FYB1: variants seen among roughly 807,000 people sequenced by gnomAD.
The protein encoded by FYB1 is FYN binding protein 1.
A neutral mutation model predicts 94.1 loss-of-function variants in FYB1; 41 were observed. That is an observed-to-expected ratio of 0.44 (90% CI 0.34 to 0.57). The LOEUF is 0.57. Ranked by LOEUF, FYB1 falls within the 20% of genes least tolerant of loss-of-function variation. FYB1 has a pLI of 0.02. For missense variants in FYB1, 1,050 were observed against 976.8 expected, an observed-to-expected ratio of 1.07 and a Z score of -1.00; for synonymous variants, 367 against 353.2, an observed-to-expected ratio of 1.04 and a Z score of -0.44.
chr5:39,202,029 G>T lies in FYB1; in HGVS notation c.932C>A (p.Ala311Asp). 6.2e-7 allele frequency: 1 copy of T among 1,614,020 alleles called. No homozygotes were observed. The highest frequency in any genetic ancestry group is 8.5e-7 in the Non-Finnish European group (1 of 1,179,884). Reference sequence around the variant, plus strand: ...CTTAGAAGGGGCCTTAGGGAACCTGGCAGGAGGAGTCCCTGAGGCCAACTC... The same window carrying T: ...CTTAGAAGGGGCCTTAGGGAACCTGTCAGGAGGAGTCCCTGAGGCCAACTC... ...QEELASGTPP[A>D]RFPKAPSKLT... is the part of the protein sequence containing the mutation. Residue 311 changes from alanine to aspartate, a missense_variant, in exon 2 of 19, where the codon GCC becomes GAC. Coordinates refer to ENST00000512982, the MANE Select transcript of FYB1 (RefSeq NM_001465.6).
intron 7 of FYB1, 60 bp from the exon 8 acceptor site, chr5:39,135,074 A>T: frequency 6.4e-7 from 1 of 1,568,336 alleles, no homozygotes. Context: ...ATCTTTAAGG[A>T]ATGCAATTTT....
At chr5:39,252,044 C>G (rs1028269888) in intron 1 of FYB1, among the ~76,000 whole-genome samples, 3 of 152,134 alleles carry the variant, frequency 2.0e-5, no homozygotes, top group African/African-American at 7.2e-5. Context: ...ACTCAGGTGG[C>G]TGAGGCAGGA....
intron 1 of FYB1, among the ~76,000 whole-genome samples, chr5:39,225,574 T>C (rs908009253): frequency 5.9e-5 from 9 of 152,260 alleles, no homozygotes; most frequent in African/African-American, 1.9e-4. Flanking sequence ...AATTCATGAA[T>C]TGTTTTTTAT....
rs532489923 is a variant in FYB1 at position 39,150,099 on chromosome 5, T to C, written c.1292+3349A>G. Among the ~76,000 whole-genome samples, 11 of 152,260 alleles carry C rather than the reference T, an allele frequency of 7.2e-5. 1 individual carries two copies. Among genetic ancestry groups the C allele is most frequent in the Admixed American group, 3.9e-4 (6 of 15,298 alleles). On this transcript the variant is annotated intron_variant, in intron 3 of 18. Transcript: ENST00000512982. ...ACAAAATCTAGGAGGCCATTTTTTTTCGACTAAATTCCCGCACTGGGCCCC... is the reference window on the plus strand; with the variant it reads ...ACAAAATCTAGGAGGCCATTTTTTTCCGACTAAATTCCCGCACTGGGCCCC...
intron 1 of FYB1, among the ~76,000 whole-genome samples, chr5:39,259,792 A>G (rs1007029333): frequency 2.0e-5 from 3 of 152,240 alleles, no homozygotes; most frequent in Non-Finnish European, 4.4e-5. Flanking sequence ...AAGAGAAACA[A>G]TTCCAAAAAT....
At chr5:39,216,579 C>A (rs1234447057) in intron 1 of FYB1, among the ~76,000 whole-genome samples, 5 of 152,154 alleles carry the variant, frequency 3.3e-5, no homozygotes, top group Non-Finnish European at 7.3e-5. Context: ...CTGCAACAGG[C>A]CCCAGTGTGT....
At chr5:39,139,139 ATTTG>A (rs2150327212) in intron 5 of FYB1, 90 bp downstream of exon 5, 1 of 1,222,016 alleles carries the variant, frequency 8.2e-7, no homozygotes, top group Admixed American at 3.1e-5. Context: ...AAGGATTTTC[ATTTG>A]TTTGTTTTGT....
chr5:39,228,240 T>C (rs959865031), intron 1 of FYB1, among the ~76,000 whole-genome samples: 1 of 152,156 alleles, frequency 6.6e-6, no homozygotes, highest in Non-Finnish European at 1.5e-5. Flanking sequence ...AGACTGTCTT[T>C]GGGAAGCAAA....
intron 2 of FYB1, among the ~76,000 whole-genome samples, chr5:39,154,839 G>A (rs892809934): frequency 2.0e-5 from 3 of 151,990 alleles, no homozygotes; most frequent in Admixed American, 1.3e-4. Flanking sequence ...TAATCCACCC[G>A]CCTTGTCCTC....
intron 1 of FYB1, among the ~76,000 whole-genome samples, chr5:39,235,831 T>G (rs559769913): frequency 6.6e-6 from 1 of 152,084 alleles, no homozygotes; most frequent in South Asian, 2.1e-4. Context: ...AAACTGTTGA[T>G]AAGCTTCTAG....
chr5:39,200,510 C>T (rs1226515911), intron 2 of FYB1, among the ~76,000 whole-genome samples: 5 of 152,036 alleles, frequency 3.3e-5, no homozygotes, highest in Non-Finnish European at 7.4e-5. Context: ...AATAAGGGAC[C>T]TTTTAGAAAG....
chr5:39,157,673 C>A (rs1743874874), intron 2 of FYB1, among the ~76,000 whole-genome samples: 1 of 152,180 alleles, frequency 6.6e-6, no homozygotes, highest in Admixed American at 6.5e-5. Flanking sequence ...TGAGAGCTAA[C>A]ACCTAAAACT....
chr5:39,257,511 A>G (rs1751990347), intron 1 of FYB1, among the ~76,000 whole-genome samples: 2 of 151,822 alleles, frequency 1.3e-5, no homozygotes, highest in African/African-American at 4.8e-5. Flanking sequence ...GAAGATATTC[A>G]CACATAAACC....
chr5:39,241,739 G>C (rs1049985610), intron 1 of FYB1, among the ~76,000 whole-genome samples: 1 of 152,106 alleles, frequency 6.6e-6, no homozygotes, highest in Non-Finnish European at 1.5e-5. Context: ...ACCACTCCTA[G>C]TGGGAAATCC....
chr5:39,146,297 T>C (rs979468053), intron 3 of FYB1, among the ~76,000 whole-genome samples: 4 of 152,172 alleles, frequency 2.6e-5, no homozygotes, highest in Admixed American at 6.5e-5. Flanking sequence ...TTGCATTGCT[T>C]CTCTGCATCA....
intron 1 of FYB1, among the ~76,000 whole-genome samples, chr5:39,259,076 T>G (rs10039316): frequency 6.7e-6 from 1 of 150,372 alleles, no homozygotes; most frequent in Non-Finnish European, 1.5e-5. Context: ...TTTTGCCCCC[T>G]CACACCACCA....
At chr5:39,151,022 A>T (rs540604033) in intron 3 of FYB1, among the ~76,000 whole-genome samples, 2 of 152,170 alleles carry the variant, frequency 1.3e-5, no homozygotes, top group South Asian at 4.2e-4. Context: ...TTTCCCTACC[A>T]TTCCTTCCCT....
At chr5:39,154,192 C>A (rs1379416871) in intron 2 of FYB1, among the ~76,000 whole-genome samples, 1 of 152,182 alleles carries the variant, frequency 6.6e-6, no homozygotes, top group Non-Finnish European at 1.5e-5. Context: ...ATCAGCATAC[C>A]GTTGCTGGTA....
At chr5:39,257,806 T>TA (rs71958401) in intron 1 of FYB1, among the ~76,000 whole-genome samples, 1,981 of 139,008 alleles carry the variant, frequency 0.014, 34 homozygotes, top group African/African-American at 0.047. Flanking sequence ...ATTTGGAGAC[T>TA]AAAAAAAAAA....
Sources: gnomAD v4.1 joint callset for allele counts (sites outside exome capture counted in the v4.1 genomes callset) on GRCh38, gnomAD v4.1.1 for gene constraint, MANE v1.5 for transcripts, NCBI Gene and HGNC (gene_info 2026-07-23, HGNC 2026-07-21) for gene names.